MORN5: variants seen among roughly 807,000 people sequenced by gnomAD.
The protein encoded by MORN5 is MORN repeat containing 5.
MORN5 carries 21 observed loss-of-function variants against 22.1 expected under a neutral mutation model. That is an observed-to-expected ratio of 0.95 (90% CI 0.67 to 1.37). MORN5 has a LOEUF of 1.37. Ranked by LOEUF, MORN5 falls within the 40% of genes most tolerant of loss-of-function variation. The pLI, the probability that MORN5 is intolerant of heterozygous loss-of-function variation, is 0.00. For synonymous variants in MORN5, 73 were observed against 74.0 expected (o/e 0.99, Z 0.07); for missense variants, 211 against 215.1 (o/e 0.98, Z 0.12).
At chr9:122,198,224 A>G (rs566661049) in intron 4 of MORN5, among the ~76,000 whole-genome samples, 2 of 152,170 alleles carry the variant, frequency 1.3e-5, no homozygotes, top group Non-Finnish European at 2.9e-5. Context: ...GTGAGCCTCC[A>G]TCTCTCTGCC....
chr9:122,176,117 C>CAAAAA (rs747126842), intron 4 of MORN5, among the ~76,000 whole-genome samples: 2 of 51,378 alleles, frequency 3.9e-5, no homozygotes, highest in South Asian at 6.7e-4. Context: ...GACTCCGTCT[C>CAAAAA]AAAAAAAAAA....
intron 4 of MORN5, 173 bp downstream of exon 4, chr9:122,174,800 T>C: frequency 8.1e-6 from 12 of 1,487,346 alleles, no homozygotes; most frequent in East Asian, 2.6e-5. Flanking sequence ...CTGGCAAATC[T>C]GTACATAGTC....
At chr9:122,164,659 G>T (rs1403958089) in intron 1 of MORN5, 1 of 984,900 alleles carries the variant, frequency 1.0e-6, no homozygotes, top group African/African-American at 1.7e-5. Context: ...TAAGAAAAGG[G>T]GTGGGGTCTA....
At chr9:122,191,676 C>A (rs1829771086) in intron 4 of MORN5, among the ~76,000 whole-genome samples, 1 of 152,256 alleles carries the variant, frequency 6.6e-6, no homozygotes, top group African/African-American at 2.4e-5. Context: ...CAGGTGTGCG[C>A]AGCCCAAAGG....
intron 4 of MORN5, among the ~76,000 whole-genome samples, chr9:122,185,233 T>A (rs117722565): frequency 0.024 from 3,495 of 145,498 alleles, 58 homozygotes; most frequent in Non-Finnish European, 0.034. Context: ...TTTTTTGTAT[T>A]TTTTTTTGAG....
intron 1 of MORN5, among the ~76,000 whole-genome samples, chr9:122,162,418 C>T (rs149944466): frequency 2.1e-3 from 326 of 152,274 alleles, no homozygotes; most frequent in Non-Finnish European, 3.5e-3. Context: ...GGTACGACTG[C>T]TTTGGAAAAG....
chr9:122,164,466 C>T (rs1829247621), intron 1 of MORN5: 3 of 575,736 alleles, frequency 5.2e-6, no homozygotes, highest in Non-Finnish European at 6.6e-6. Flanking sequence ...CAGTCCCGTC[C>T]AGAGATGGCT....
intron 4 of MORN5, among the ~76,000 whole-genome samples, chr9:122,186,714 C>T (rs1162136485): frequency 6.6e-6 from 1 of 152,192 alleles, no homozygotes; most frequent in Non-Finnish European, 1.5e-5. Flanking sequence ...CGGCAGCCTC[C>T]TGGAGGCATT....
chr9:122,172,679 G>C (rs1032172726), intron 3 of MORN5, among the ~76,000 whole-genome samples: 5 of 152,154 alleles, frequency 3.3e-5, no homozygotes, highest in African/African-American at 9.7e-5. Context: ...TGAGTGTTCA[G>C]CTCGTCTTCC....
chr9:122,174,646 T>G lies in MORN5; in HGVS notation c.439+19T>G, dbSNP rs1435016511. 6.2e-7 allele frequency: 1 copy of G among 1,613,884 alleles called. No individual in the cohort carries two copies. Among genetic ancestry groups the G allele is most frequent in the Admixed American group, 1.7e-5 (1 of 60,002 alleles). On this transcript the variant is annotated intron_variant, in intron 4 of 4. Transcript: ENST00000373764. ...AACGCAGGTAGGTTTCTTCCGACAC[T>G]GCAGCACGTTTTCTCTTCACCCACA...
chr9:122,174,592 T>G lies in MORN5; in HGVS notation c.404T>G (p.Val135Gly). ...DGFYNPVTRV[V>G]KDYRNRFLRN... ...TTCTATAACCCAGTCACGAGGGTAG[T>G]CAAGGACTATAGGAACCGCTTTCTA... Residue 135 changes from valine (V) to glycine (G), a missense_variant, in exon 4 of 5, where the codon GTC becomes GGC. Physicochemically the swap from Val to Gly is moderately radical, Grantham distance 109 (BLOSUM62 -3). Coordinates refer to ENST00000373764, the MANE Select transcript of MORN5 (RefSeq NM_198469.4). 4.3e-6 allele frequency: 7 copies of G among 1,614,106 alleles called. No homozygotes were observed. The highest frequency in any genetic ancestry group is 5.9e-6 in the Non-Finnish European group (7 of 1,180,012).
At chr9:122,198,724 TG>T (rs755783533) in intron 4 of MORN5, among the ~76,000 whole-genome samples, 6 of 152,156 alleles carry the variant, frequency 3.9e-5, no homozygotes, top group Non-Finnish European at 8.8e-5. Context: ...TTCCTGGTAG[TG>T]GGAGTTGCAG....
At chr9:122,185,284 G>A (rs1410117069) in intron 4 of MORN5, among the ~76,000 whole-genome samples, 485 of 131,652 alleles carry the variant, frequency 3.7e-3, no homozygotes, top group Middle Eastern at 9.3e-3. Context: ...GTGCAGTGGT[G>A]CGATCTCGGC....
chr9:122,182,883 C>T (rs1300999530), intron 4 of MORN5, among the ~76,000 whole-genome samples: 3 of 152,256 alleles, frequency 2.0e-5, no homozygotes, highest in Non-Finnish European at 2.9e-5. Flanking sequence ...TCGTGTCACA[C>T]AACTAGTGAT....
intron 4 of MORN5, among the ~76,000 whole-genome samples, chr9:122,194,272 T>C (rs911165010): frequency 1.3e-5 from 2 of 152,152 alleles, no homozygotes; most frequent in Admixed American, 1.3e-4. Context: ...ATTCAAAAGC[T>C]ATCAACTGAG....
At chr9:122,166,955 C>G (rs1404543481) in intron 2 of MORN5, 40 bp downstream of exon 2, 3 of 1,585,758 alleles carry the variant, frequency 1.9e-6, no homozygotes, top group Non-Finnish European at 2.6e-6. Flanking sequence ...AGGAGAGATC[C>G]TCACGCAAGA....
intron 2 of MORN5, among the ~76,000 whole-genome samples, chr9:122,169,021 T>A (rs1396930519): frequency 1.3e-5 from 2 of 152,124 alleles, no homozygotes; most frequent in African/African-American, 4.8e-5. Flanking sequence ...GGAATGCTGA[T>A]GTCCAAGGGC....
rs111418398 is a variant in MORN5, at chr9:122,168,560, A to C, written c.196-1085A>C. Among the ~76,000 whole-genome samples the C allele has an allele frequency of 3.9e-5, 6 of 152,324 alleles. 2 individuals carry two copies. Among genetic ancestry groups the C allele is most frequent in the African/African-American group, 1.4e-4 (6 of 41,570 alleles). ...GGATGTGACTTTCCCGAGGTCACAC[A>C]GTGAATTAATAGTATCATTGGAATT... On this transcript the variant is annotated intron_variant, in intron 2 of 4. Transcript: ENST00000373764.
At chr9:122,176,005 T>A (rs1348562232) in intron 4 of MORN5, among the ~76,000 whole-genome samples, 1 of 151,268 alleles carries the variant, frequency 6.6e-6, no homozygotes, top group African/African-American at 2.4e-5. Flanking sequence ...TCCCACCTAC[T>A]CAGGAGGCAG....
Sources: gnomAD v4.1 joint callset for allele counts (sites outside exome capture counted in the v4.1 genomes callset) on GRCh38, gnomAD v4.1.1 for gene constraint, MANE v1.5 for transcripts, NCBI Gene and HGNC (gene_info 2026-07-23, HGNC 2026-07-21) for gene names.